RCSD1: variants seen among roughly 807,000 people sequenced by gnomAD.
RCSD1 encodes RCSD domain containing 1.
A neutral mutation model predicts 42.5 loss-of-function variants in RCSD1; 26 were observed. The observed-to-expected ratio is 0.61, with a 90% CI of 0.45 to 0.85. The LOEUF (loss-of-function observed/expected upper bound fraction) is 0.85. Among genes scored for constraint, RCSD1 ranks in the 40% least tolerant of loss-of-function variants. The pLI is 0.00. For missense variants in RCSD1, 571 were observed against 528.3 expected, an observed-to-expected ratio of 1.08 and a Z score of -0.79; for synonymous variants, 220 against 212.2, an observed-to-expected ratio of 1.04 and a Z score of -0.32.
At chr1:167,675,206 G>A (rs1011501290) in intron 1 of RCSD1, among the ~76,000 whole-genome samples, 16 of 89,522 alleles carry the variant, frequency 1.8e-4, no homozygotes, top group Non-Finnish European at 2.7e-4. Flanking sequence ...ACTCCATCTC[G>A]GAAAAAAAAA....
At chr1:167,676,855 C>T (rs1035406581) in intron 1 of RCSD1, among the ~76,000 whole-genome samples, 1 of 152,184 alleles carries the variant, frequency 6.6e-6, no homozygotes, top group African/African-American at 2.4e-5. Context: ...AAACCCTGTC[C>T]GTAATATTGG....
At position 167,706,580 on chromosome 1, in the gene RCSD1, G is replaced by C. The variant is rs755693823; in HGVS notation, c.*1884G>C. Among the ~76,000 whole-genome samples, 1 of 152,138 alleles carries C rather than the reference G, an allele frequency of 6.6e-6. No homozygotes were observed. The highest frequency in any genetic ancestry group is 2.4e-5 in the African/African-American group (1 of 41,404). The stretch of plus-strand genomic sequence containing the variant: ...TCTAAACATAGTAGCAGACGAGAGA[G>C]GGGCAGTAAAAATGACAAGAATGTG... On this transcript the variant is annotated 3_prime_UTR_variant, in exon 7 of 7. Coordinates refer to ENST00000367854, the MANE Select transcript of RCSD1 (RefSeq NM_052862.4).
chr1:167,660,752 G>A (rs1658523690), intron 1 of RCSD1, among the ~76,000 whole-genome samples: 1 of 152,100 alleles, frequency 6.6e-6, no homozygotes. Context: ...GGGATTTCAG[G>A]TGTGAGCCGC....
rs1659768617 is a variant in RCSD1, at chr1:167,706,940, T to G, written c.*2244T>G. Among the ~76,000 whole-genome samples the G allele has an allele frequency of 6.6e-6, 1 of 152,250 alleles. No individual in the cohort carries two copies. The highest frequency in any genetic ancestry group is 1.5e-5 in the Non-Finnish European group (1 of 68,048). On this transcript the variant is annotated 3_prime_UTR_variant, in exon 7 of 7. Transcript: ENST00000367854. Reference sequence around the variant, plus strand: ...AGTTATTAACAGGCCAGGAAGACCTTGTTTCTTTCAGGCTTCCATAATGGG... The same window carrying G: ...AGTTATTAACAGGCCAGGAAGACCTGGTTTCTTTCAGGCTTCCATAATGGG...
chr1:167,663,095 G>A (rs1658575553), intron 1 of RCSD1, among the ~76,000 whole-genome samples: 1 of 152,190 alleles, frequency 6.6e-6, no homozygotes, highest in South Asian at 2.1e-4. Context: ...CTGCCTCCCA[G>A]CTGCTCAGCT....
At chr1:167,660,875 A>G (rs1199186461) in intron 1 of RCSD1, among the ~76,000 whole-genome samples, 3 of 152,082 alleles carry the variant, frequency 2.0e-5, no homozygotes, top group Non-Finnish European at 4.4e-5. Flanking sequence ...ACTCCTCCCC[A>G]CCACCAAATT....
intron 1 of RCSD1, among the ~76,000 whole-genome samples, chr1:167,675,155 G>A (rs928439578): frequency 1.2e-4 from 16 of 134,922 alleles, no homozygotes; most frequent in East Asian, 6.7e-4. Flanking sequence ...GCAGTGAGCC[G>A]AGATCTCACC....
chr1:167,658,922 G>A (rs1658484880), intron 1 of RCSD1, among the ~76,000 whole-genome samples: 1 of 152,046 alleles, frequency 6.6e-6, no homozygotes, highest in African/African-American at 2.4e-5. Context: ...AGGGTGAGCT[G>A]AAGGGTTTGT....
At chr1:167,704,124 T>C (rs992904199) in intron 6 of RCSD1, among the ~76,000 whole-genome samples, 40 of 152,224 alleles carry the variant, frequency 2.6e-4, no homozygotes, top group Non-Finnish European at 4.6e-4. Flanking sequence ...ACCTTCGGAA[T>C]GACTGTTGAA....
chr1:167,661,174 G>A (rs1239812738), intron 1 of RCSD1, among the ~76,000 whole-genome samples: 1 of 152,210 alleles, frequency 6.6e-6, no homozygotes, highest in Non-Finnish European at 1.5e-5. Context: ...TACACATTGT[G>A]ACTTATCTTC....
intron 1 of RCSD1, among the ~76,000 whole-genome samples, chr1:167,675,357 C>G (rs1044296423): frequency 6.6e-6 from 1 of 151,974 alleles, no homozygotes; most frequent in Admixed American, 6.6e-5. Flanking sequence ...GCCTACATGG[C>G]GGCAGGCAAG....
chr1:167,697,092 C>A lies in RCSD1; in HGVS notation c.475-7C>A, dbSNP rs759706207. ...TTTGGATAACTTTCCTTAACACTTT[C>A]TTCTAGGTGCGGACGAGGGGCTCAA... On this transcript the variant is annotated splice_polypyrimidine_tract_variant and splice_region_variant and intron_variant, in intron 5 of 6. Coordinates refer to ENST00000367854, the MANE Select transcript of RCSD1 (RefSeq NM_052862.4). 8 of 1,603,876 alleles carry A rather than the reference C, an allele frequency of 5.0e-6. No homozygotes were observed. The highest frequency in any genetic ancestry group is 4.3e-6 in the Non-Finnish European group (5 of 1,175,494).
chr1:167,652,882 T>G (rs12067995), intron 1 of RCSD1, among the ~76,000 whole-genome samples: 19,024 of 152,278 alleles, frequency 0.12, 1,822 homozygotes, highest in African/African-American at 0.26. Flanking sequence ...TGGCTTCTAA[T>G]TTTTCACTTT....
At chr1:167,680,181 G>C (rs1659044667) in intron 1 of RCSD1, among the ~76,000 whole-genome samples, 1 of 152,058 alleles carries the variant, frequency 6.6e-6, no homozygotes, top group Non-Finnish European at 1.5e-5. Context: ...AGCTAAAGCA[G>C]GGCACAAAGG....
At chr1:167,639,305 G>A (rs978001736) in intron 1 of RCSD1, among the ~76,000 whole-genome samples, 1 of 152,258 alleles carries the variant, frequency 6.6e-6, no homozygotes, top group South Asian at 2.1e-4. Flanking sequence ...CCTTTGACCC[G>A]CATGTTCAAA....
At chr1:167,685,313 A>T in intron 2 of RCSD1, 108 bp from the exon 3 acceptor site, 1 of 769,938 alleles carries the variant, frequency 1.3e-6, no homozygotes, top group Non-Finnish European at 2.1e-6. Context: ...AACATTCCTA[A>T]ATCCCTAAAC....
intron 1 of RCSD1, among the ~76,000 whole-genome samples, chr1:167,671,495 C>T (rs1658805958): frequency 6.6e-6 from 1 of 152,242 alleles, no homozygotes; most frequent in Non-Finnish European, 1.5e-5. Flanking sequence ...TCCACACTCA[C>T]TCTTCCCAAA....
intron 3 of RCSD1, among the ~76,000 whole-genome samples, chr1:167,686,112 T>A (rs1393015899): frequency 6.6e-6 from 1 of 152,192 alleles, no homozygotes; most frequent in Non-Finnish European, 1.5e-5. Flanking sequence ...AGCCTGCATA[T>A]TCTCCTATCT....
At chr1:167,670,719 C>T (rs1658786817) in intron 1 of RCSD1, among the ~76,000 whole-genome samples, 1 of 152,284 alleles carries the variant, frequency 6.6e-6, no homozygotes, top group African/African-American at 2.4e-5. Flanking sequence ...TCCAGTCCTG[C>T]TCCTCCCCTC....
Sources: allele counts gnomAD v4.1 joint callset (sites outside exome capture counted in the v4.1 genomes callset), GRCh38; gene constraint gnomAD v4.1.1; transcripts MANE v1.5; gene names NCBI Gene and HGNC (gene_info 2026-07-23, HGNC 2026-07-21).